LRCH3: variants seen among roughly 807,000 people sequenced by gnomAD.
LRCH3 encodes the protein leucine rich repeats and calponin homology domain containing 3, also known as DISP complex protein LRCH3.
Under a neutral mutation model 104.5 loss-of-function variants are expected in LRCH3, and 68 were observed. The observed-to-expected ratio is 0.65, with a 90% CI of 0.54 to 0.80. The LOEUF is 0.80. Among genes scored for constraint, LRCH3 ranks in the 30% least tolerant of loss-of-function variants. The probability of loss-of-function intolerance (pLI) is 0.00; values close to 1 mark genes in which losing one functional copy is unlikely to be tolerated. For synonymous variants in LRCH3, 344 were observed against 361.3 expected (o/e 0.95, Z 0.54); for missense variants, 951 against 953.9 (o/e 1.00, Z 0.04).
chr3:197,839,668 C>A (rs920405100), intron 10 of LRCH3, among the ~76,000 whole-genome samples: 25 of 152,040 alleles, frequency 1.6e-4, no homozygotes, highest in African/African-American at 3.9e-4. Context: ...TATATGGATT[C>A]ATGCACAAAA....
chr3:197,850,532 G>A (rs1739437959), intron 12 of LRCH3: 1 of 1,590,656 alleles, frequency 6.3e-7, no homozygotes, highest in Non-Finnish European at 8.5e-7. Flanking sequence ...GGCAGGGAGA[G>A]CTCATGTATG....
At chr3:197,816,559 C>T (rs1025433782) in intron 2 of LRCH3, among the ~76,000 whole-genome samples, 7 of 152,158 alleles carry the variant, frequency 4.6e-5, no homozygotes, top group Non-Finnish European at 1.0e-4. Flanking sequence ...GGATTACAGA[C>T]GTGAGCCACT....
rs570736642 is a variant in LRCH3, at chr3:197,854,334, C to A, written c.1591-58C>A. Reference sequence around the variant, plus strand: ...CCCTTGTGTGTGTATTCGTGAAATACGTCACACGTGTGCGTAGTTTGTTTC... The same window carrying A: ...CCCTTGTGTGTGTATTCGTGAAATAAGTCACACGTGTGCGTAGTTTGTTTC... On this transcript the variant is annotated intron_variant, in intron 13 of 20. Coordinates refer to ENST00000425562, the MANE Select transcript of LRCH3 (RefSeq NM_001365715.1). This position sits in a 1 kb window ranked among gnomAD's most constrained non-coding sequence, Gnocchi z 4.5. 7.1e-7 allele frequency: 1 copy of A among 1,416,426 alleles called. No homozygotes were observed. The highest frequency in any genetic ancestry group is 1.0e-6 in the Non-Finnish European group (1 of 999,504). 87.7% of individuals were successfully genotyped at this position (1,416,426 alleles called of 1,614,324 possible). A position where few individuals can be genotyped will look rare whatever the true frequency, so the allele number is the denominator to read the frequency against.
At chr3:197,794,288 C>G (rs1009521388) in intron 1 of LRCH3, among the ~76,000 whole-genome samples, 14 of 152,174 alleles carry the variant, frequency 9.2e-5, no homozygotes, top group African/African-American at 3.4e-4. Flanking sequence ...TGTTGCTGTT[C>G]CTGTTTTTAC....
chr3:197,845,765 T>C (rs9878475), intron 10 of LRCH3, among the ~76,000 whole-genome samples: 8,850 of 151,768 alleles, frequency 0.058, 879 homozygotes, highest in African/African-American at 0.2. Flanking sequence ...ATTAGCCGAG[T>C]GTGGTGGCGC....
At chr3:197,870,033 T>G in intron 17 of LRCH3, 127 bp from the exon 18 acceptor site, 1 of 891,036 alleles carries the variant, frequency 1.1e-6, no homozygotes, top group Non-Finnish European at 1.7e-6. Flanking sequence ...TAGAAAGCGA[T>G]GCACTGTACC....
rs1739969821 is a variant in LRCH3, at chr3:197,854,111, A to C, written c.1591-281A>C. On this transcript the variant is annotated intron_variant, in intron 13 of 20. Coordinates refer to ENST00000425562, the MANE Select transcript of LRCH3 (RefSeq NM_001365715.1). The surrounding 1 kb of genome is among the most constrained non-coding windows in gnomAD (Gnocchi z 4.5). ...CATAGGTTCTTTATGTTATTGTTAC[A>C]TCTCTCTCCAGCTTTCTGTTCCCTC... 6.6e-6 allele frequency among the ~76,000 whole-genome samples: 1 copy of C among 152,102 alleles called. No individual in the cohort carries two copies. Among genetic ancestry groups the C allele is most frequent in the Non-Finnish European group, 1.5e-5 (1 of 67,982 alleles).
At chr3:197,863,548 C>T (rs1020409402) in intron 15 of LRCH3, among the ~76,000 whole-genome samples, 4 of 152,188 alleles carry the variant, frequency 2.6e-5, no homozygotes, top group South Asian at 4.1e-4. Flanking sequence ...TGTGGCCCAT[C>T]GCGCTCGGCC....
intron 5 of LRCH3, among the ~76,000 whole-genome samples, chr3:197,827,689 C>T (rs1210167904): frequency 6.6e-6 from 1 of 151,802 alleles, no homozygotes; most frequent in Non-Finnish European, 1.5e-5. Flanking sequence ...AAATTTTTTT[C>T]TAATAAAATT....
chr3:197,813,163 A>G (rs1196439541), intron 1 of LRCH3, among the ~76,000 whole-genome samples: 1 of 152,208 alleles, frequency 6.6e-6, no homozygotes, highest in Non-Finnish European at 1.5e-5. Context: ...GAGCCATACA[A>G]TGTGTAATAA....
intron 3 of LRCH3, among the ~76,000 whole-genome samples, chr3:197,819,456 C>T (rs571337950): frequency 6.6e-6 from 1 of 151,834 alleles, no homozygotes; most frequent in African/African-American, 2.4e-5. Flanking sequence ...TGGCTCATGC[C>T]TGTAATCGCA....
At chr3:197,804,788 G>T (rs1371035043) in intron 1 of LRCH3, among the ~76,000 whole-genome samples, 4 of 152,138 alleles carry the variant, frequency 2.6e-5, no homozygotes. Flanking sequence ...CATAATACTT[G>T]CAGTTAGTAA....
intron 1 of LRCH3, among the ~76,000 whole-genome samples, chr3:197,801,541 C>T (rs1158088394): frequency 1.3e-5 from 2 of 151,026 alleles, no homozygotes; most frequent in Non-Finnish European, 3.0e-5. Flanking sequence ...TCTCATGGCA[C>T]CTCTTCTTTT....
intron 1 of LRCH3, among the ~76,000 whole-genome samples, chr3:197,798,442 A>C (rs1190598007): frequency 2.0e-5 from 3 of 152,220 alleles, no homozygotes; most frequent in Non-Finnish European, 4.4e-5. Context: ...CATTGGTGTA[A>C]AGCCTACAGG....
intron 3 of LRCH3, among the ~76,000 whole-genome samples, chr3:197,819,097 G>T (rs974806982): frequency 6.6e-6 from 1 of 150,590 alleles, no homozygotes; most frequent in Admixed American, 6.6e-5. Context: ...CTGCACTCCA[G>T]CCTGGGCAAC....
chr3:197,813,420 G>T (rs1389583632), intron 1 of LRCH3, among the ~76,000 whole-genome samples: 1 of 149,912 alleles, frequency 6.7e-6, no homozygotes, highest in African/African-American at 2.5e-5. Context: ...CTGAAAGTTT[G>T]CAAGTGATCC....
intron 13 of LRCH3, 132 bp downstream of exon 13, chr3:197,852,752 CCTT>C: frequency 1.1e-6 from 1 of 887,370 alleles, no homozygotes; most frequent in Non-Finnish European, 1.8e-6. Flanking sequence ...ACAATATTCT[CCTT>C]ATGAGGGAGA....
chr3:197,806,736 G>T (rs1415342352), intron 1 of LRCH3, among the ~76,000 whole-genome samples: 3 of 149,976 alleles, frequency 2.0e-5, no homozygotes, highest in East Asian at 4.1e-4. Context: ...AAATTAGTTT[G>T]GTGTGGAGTT....
chr3:197,815,123 A>AATATTTACCTATATATATGCT, intron 2 of LRCH3, 71 bp downstream of exon 2: 1 of 899,000 alleles, frequency 1.1e-6, no homozygotes, highest in African/African-American at 1.7e-5. Flanking sequence ...CTTTCCCTAA[A>AATATTTACCTATATATATGCT]ATATTTACCT....
Sources: gnomAD v4.1 joint callset for allele counts (sites outside exome capture counted in the v4.1 genomes callset) on GRCh38, gnomAD v4.1.1 for gene constraint, Gnocchi (gnomAD v3.1) non-coding constraint, MANE v1.5 for transcripts, NCBI Gene and HGNC (gene_info 2026-07-23, HGNC 2026-07-21) for gene names.